DPP6: variants seen among roughly 807,000 people sequenced by gnomAD.
The protein encoded by DPP6 is A-type potassium channel modulatory protein DPP6.
A neutral mutation model predicts 122.6 loss-of-function variants in DPP6; 69 were observed. That is an observed-to-expected ratio of 0.56 (90% CI 0.46 to 0.69). The LOEUF (loss-of-function observed/expected upper bound fraction) is 0.69. Among genes scored for constraint, DPP6 ranks in the 30% least tolerant of loss-of-function variants. DPP6 has a pLI of 0.00. For synonymous variants in DPP6, 418 were observed against 433.1 expected (o/e 0.97, Z 0.43); for missense variants, 928 against 1,116.9 (o/e 0.83, Z 2.41).
intron 1 of DPP6, among the ~76,000 whole-genome samples, chr7:154,098,273 A>T (rs1482805804): frequency 6.6e-6 from 1 of 152,176 alleles, no homozygotes; most frequent in African/African-American, 2.4e-5. Context: ...GAAGAAGGAC[A>T]TATTTCCTTC....
chr7:154,143,879 A>G (rs181276253), intron 1 of DPP6, among the ~76,000 whole-genome samples: 252 of 152,270 alleles, frequency 1.7e-3, no homozygotes, highest in Non-Finnish European at 1.2e-3. Flanking sequence ...TTGTACATAT[A>G]TCTTTGTACA....
the DPP6 span, among the ~76,000 whole-genome samples, chr7:153,773,273 G>A: frequency 6.9e-6 from 1 of 144,724 alleles, no homozygotes; most frequent in African/African-American, 2.5e-5. Context: ...TCGTGTGTGT[G>A]TGTGTGTGTG....
chr7:154,313,714 T>TATATATAC lies in DPP6; in HGVS notation c.244-132499_244-132498insTATATACA, dbSNP rs1177234778. Among the ~76,000 whole-genome samples, 5 of 17,784 alleles carry TATATATAC rather than the reference T, an allele frequency of 2.8e-4. 1 individual carries two copies. The highest frequency in any genetic ancestry group is 8.1e-4 in the African/African-American group (5 of 6,150). 11.7% of individuals were successfully genotyped at this position (17,784 alleles called of 152,430 possible). A position where few individuals can be genotyped will look rare whatever the true frequency, so the allele number is the denominator to read the frequency against. On this transcript the variant is annotated intron_variant, in intron 1 of 25. Transcript: ENST00000377770. ...ATATATATATATATATATATATATA[T>TATATATAC]ACACACACACGCACGCACACACACA...
At chr7:153,998,225 A>T (rs183667315) in intron 1 of DPP6, among the ~76,000 whole-genome samples, 1 of 152,220 alleles carries the variant, frequency 6.6e-6, no homozygotes, top group African/African-American at 2.4e-5. Context: ...AAAGTTGACT[A>T]TGCTTAGAAA....
At chr7:154,460,655 T>A (rs1821217867) in intron 2 of DPP6, among the ~76,000 whole-genome samples, 1 of 152,222 alleles carries the variant, frequency 6.6e-6, no homozygotes, top group African/African-American at 2.4e-5. Context: ...AATAAGTTGG[T>A]TTTTAAAATC....
At chr7:154,540,147 G>A (rs753118690) in intron 3 of DPP6, among the ~76,000 whole-genome samples, 2 of 152,198 alleles carry the variant, frequency 1.3e-5, no homozygotes, top group South Asian at 2.1e-4. Context: ...GTGGCTATGG[G>A]CCACAAGCAT....
intron 1 of DPP6, among the ~76,000 whole-genome samples, chr7:154,422,019 G>T (rs575612443): frequency 5.9e-5 from 9 of 152,190 alleles, no homozygotes. Flanking sequence ...AGGAAAACGT[G>T]GTGAAACATT....
At chr7:154,151,286 C>T (rs1489850418) in intron 1 of DPP6, among the ~76,000 whole-genome samples, 1 of 152,196 alleles carries the variant, frequency 6.6e-6, no homozygotes, top group Non-Finnish European at 1.5e-5. Context: ...CCTCCCTAGA[C>T]CTTCTCAGCA....
chr7:153,804,746 T>C, the DPP6 span, among the ~76,000 whole-genome samples: 1 of 151,926 alleles, frequency 6.6e-6, no homozygotes, highest in African/African-American at 2.4e-5. Context: ...TAGCTGGGCG[T>C]AGTGGTGGGC....
At chr7:154,749,468 TGA>T (rs1468565055) in intron 8 of DPP6, among the ~76,000 whole-genome samples, 6 of 123,686 alleles carry the variant, frequency 4.9e-5, no homozygotes, top group Non-Finnish European at 8.6e-5. Flanking sequence ...TGAGAGAGGG[TGA>T]GAGAGCATAG....
chr7:154,453,012 ATATTAAATATG>A (rs1229115428), intron 2 of DPP6, among the ~76,000 whole-genome samples: 2 of 152,074 alleles, frequency 1.3e-5, no homozygotes, highest in East Asian at 3.9e-4. Context: ...TTTATTTTCA[ATATTAAATATG>A]TATCTGTCTA....
chr7:154,837,199 C>T (rs1468508002), intron 16 of DPP6, among the ~76,000 whole-genome samples: 1 of 151,486 alleles, frequency 6.6e-6, no homozygotes, highest in African/African-American at 2.4e-5. Context: ...ATGCATAACG[C>T]ACATTCACAC....
intron 5 of DPP6, among the ~76,000 whole-genome samples, chr7:154,597,332 C>T (rs972065113): frequency 5.3e-5 from 8 of 151,948 alleles, no homozygotes; most frequent in Non-Finnish European, 1.5e-5. Context: ...GGCTGGGCAC[C>T]GTGGCTCATG....
chr7:154,563,567 C>A (rs545973943), intron 4 of DPP6, among the ~76,000 whole-genome samples: 1 of 152,222 alleles, frequency 6.6e-6, no homozygotes, highest in South Asian at 2.1e-4. Flanking sequence ...GGTTCCAAAC[C>A]TATTTTGAAG....
At chr7:153,820,547 C>T in the DPP6 span, among the ~76,000 whole-genome samples, 2 of 151,974 alleles carry the variant, frequency 1.3e-5, no homozygotes, top group Non-Finnish European at 2.9e-5. Flanking sequence ...GGGAGAGAAC[C>T]AGAGAGTTCT....
intron 8 of DPP6, among the ~76,000 whole-genome samples, chr7:154,739,896 G>A (rs982371595): frequency 5.9e-5 from 9 of 152,302 alleles, no homozygotes; most frequent in African/African-American, 4.8e-5. Context: ...CAGGTTAACC[G>A]CAAACCTCTA....
chr7:154,331,605 G>A (rs1273596846), intron 1 of DPP6, among the ~76,000 whole-genome samples: 1 of 152,188 alleles, frequency 6.6e-6, no homozygotes, highest in African/African-American at 2.4e-5. Context: ...GCTTTGGAAG[G>A]TATCCACGAG....
chr7:154,704,275 G>A (rs1054987120), intron 7 of DPP6, among the ~76,000 whole-genome samples: 3 of 152,192 alleles, frequency 2.0e-5, no homozygotes, highest in African/African-American at 7.2e-5. Flanking sequence ...AACTTGAATG[G>A]GTGAGAAGTT....
chr7:154,327,156 G>A lies in DPP6; in HGVS notation c.244-119058G>A, dbSNP rs1017403592. ...CCTCTCAGAGAAAAAAAAGATTTAG[G>A]CTTCCAGGCAAAGTGGAGAATGAAG... On this transcript the variant is annotated intron_variant, in intron 1 of 25. Transcript: ENST00000377770. 2.0e-5 allele frequency among the ~76,000 whole-genome samples: 3 copies of A among 152,086 alleles called. No individual in the cohort carries two copies. The East Asian group carries it at 5.8e-4, about 29-fold the overall frequency.
Sources: allele counts gnomAD v4.1 joint callset (sites outside exome capture counted in the v4.1 genomes callset), GRCh38; gene constraint gnomAD v4.1.1; transcripts MANE v1.5; gene names NCBI Gene and HGNC (gene_info 2026-07-23, HGNC 2026-07-21).